Variants in TRDN observed in about 807,000 individuals in gnomAD.
The protein encoded by TRDN is triadin in skeletal muscle.
In TRDN, 161 loss-of-function variants were observed where a neutral mutation model predicts 149.7. That is an observed-to-expected ratio of 1.08 (90% CI 0.95 to 1.23). TRDN has a LOEUF of 1.23. Among genes scored for constraint, TRDN ranks in the 50% most tolerant of loss-of-function variants. The pLI is 0.00. For synonymous variants in TRDN, 294 were observed against 250.5 expected (o/e 1.17, Z -1.64); for missense variants, 896 against 823.5 (o/e 1.09, Z -1.08).
At chr6:123,407,453 C>T (rs576914592) in intron 12 of TRDN, among the ~76,000 whole-genome samples, 21 of 152,178 alleles carry the variant, frequency 1.4e-4, no homozygotes, top group African/African-American at 4.8e-4. Context: ...TTGTTTTCTC[C>T]CTCCTTGGGG....
chr6:123,337,979 C>T (rs1300407518), intron 21 of TRDN, among the ~76,000 whole-genome samples: 1 of 152,166 alleles, frequency 6.6e-6, no homozygotes, highest in Non-Finnish European at 1.5e-5. Context: ...TGTCTACTTA[C>T]TACGTGTCAG....
At chr6:123,280,825 A>G (rs1037250219) in intron 24 of TRDN, among the ~76,000 whole-genome samples, 1 of 152,004 alleles carries the variant, frequency 6.6e-6, no homozygotes, top group Non-Finnish European at 1.5e-5. Context: ...AACTTAAGTG[A>G]ATGCCTTCTT....
intron 24 of TRDN, among the ~76,000 whole-genome samples, chr6:123,312,688 G>T (rs183834102): frequency 1.3e-5 from 2 of 151,918 alleles, no homozygotes; most frequent in Non-Finnish European, 2.9e-5. Flanking sequence ...TGAATTTCTA[G>T]CTTAAATATA....
intron 2 of TRDN, among the ~76,000 whole-genome samples, chr6:123,570,588 T>C (rs1204490063): frequency 3.3e-5 from 5 of 152,174 alleles, no homozygotes; most frequent in African/African-American, 1.2e-4. Context: ...TACAAATTAT[T>C]CCTTATTAAT....
At chr6:123,496,438 A>C (rs1200919090) in intron 9 of TRDN, among the ~76,000 whole-genome samples, 6 of 152,196 alleles carry the variant, frequency 3.9e-5, no homozygotes, top group Admixed American at 3.9e-4. Context: ...AATTAGCTTC[A>C]TTTATTCTAA....
At chr6:123,245,553 T>C (rs1282364986) in intron 38 of TRDN, among the ~76,000 whole-genome samples, 2 of 151,998 alleles carry the variant, frequency 1.3e-5, no homozygotes, top group Non-Finnish European at 2.9e-5. Context: ...ATTTTAAATA[T>C]ATGATGCACC....
At chr6:123,291,864 C>CT (rs1778024021) in intron 24 of TRDN, among the ~76,000 whole-genome samples, 1 of 152,126 alleles carries the variant, frequency 6.6e-6, no homozygotes, top group Non-Finnish European at 1.5e-5. Context: ...TCTCCTTCAG[C>CT]TTTTTTGTCA....
chr6:123,559,562 G>A (rs924129954), intron 2 of TRDN, among the ~76,000 whole-genome samples: 4 of 152,106 alleles, frequency 2.6e-5, no homozygotes, highest in Non-Finnish European at 5.9e-5. Context: ...AACCGATCAT[G>A]CACCCCTTAC....
chr6:123,268,661 A>G (rs1423184085), intron 31 of TRDN, among the ~76,000 whole-genome samples: 1 of 151,988 alleles, frequency 6.6e-6, no homozygotes, highest in Non-Finnish European at 1.5e-5. Context: ...TTATGCACCA[A>G]CACTGAAGTA....
intron 10 of TRDN, among the ~76,000 whole-genome samples, chr6:123,448,699 A>G (rs796326132): frequency 1.8e-4 from 27 of 152,150 alleles, no homozygotes; most frequent in African/African-American, 6.5e-4. Context: ...GTCCCTCTCC[A>G]TACTACTGCA....
chr6:123,607,536 G>A (rs569360714), intron 1 of TRDN, among the ~76,000 whole-genome samples: 23 of 152,098 alleles, frequency 1.5e-4, no homozygotes, highest in Non-Finnish European at 1.9e-4. Context: ...TCAAACAAGC[G>A]TTTGGATAAA....
At chr6:123,543,377 T>A (rs1780946717) in intron 4 of TRDN, among the ~76,000 whole-genome samples, 1 of 152,126 alleles carries the variant, frequency 6.6e-6, no homozygotes, top group South Asian at 2.1e-4. Flanking sequence ...TAGAAAACAC[T>A]TGAAAAAGAT....
At position 123,471,616 on chromosome 6, in the gene TRDN, C is replaced by T. The variant is rs185257094; in HGVS notation, c.854-6633G>A. 13 of 152,290 alleles carry T rather than the reference C, an allele frequency of 8.5e-5. No homozygotes were observed. In the East Asian group the frequency reaches 1.5e-3, roughly 18 times the overall value. 9.4% of individuals were successfully genotyped at this position (152,290 alleles called of 1,614,324 possible). A position where few individuals can be genotyped will look rare whatever the true frequency, so the allele number is the denominator to read the frequency against. Reference sequence around the variant, plus strand: ...CCAGGCCAAAATGTTTCCACTGGAACGGTTTCTTTGCTTCCTGATTAAAAG... The same window carrying T: ...CCAGGCCAAAATGTTTCCACTGGAATGGTTTCTTTGCTTCCTGATTAAAAG... On this transcript the variant is annotated intron_variant, in intron 9 of 40. Transcript: ENST00000334268.
At chr6:123,612,773 G>A (rs775892508) in intron 1 of TRDN, among the ~76,000 whole-genome samples, 17 of 152,262 alleles carry the variant, frequency 1.1e-4, no homozygotes, top group Admixed American at 2.0e-4. Context: ...GTACCAGTGC[G>A]TGGAAATATT....
intron 10 of TRDN, among the ~76,000 whole-genome samples, chr6:123,452,287 G>A (rs529416844): frequency 4.6e-5 from 7 of 152,144 alleles, no homozygotes; most frequent in East Asian, 1.9e-4. Flanking sequence ...CATTCAGATC[G>A]GGAAAGAGGA....
chr6:123,500,153 A>G (rs910969348), intron 8 of TRDN, among the ~76,000 whole-genome samples: 3 of 152,156 alleles, frequency 2.0e-5, no homozygotes, highest in Non-Finnish European at 4.4e-5. Context: ...TTTTTAACTT[A>G]GAAAATTATT....
rs544351394 is a variant in TRDN at position 123,474,788 on chromosome 6, A to G, written c.854-9805T>C. Among the ~76,000 whole-genome samples the G allele has an allele frequency of 4.3e-3, 655 of 152,166 alleles. 3 individuals are homozygous for G. Among genetic ancestry groups the G allele is most frequent in the African/African-American group, 0.015 (612 of 41,480 alleles). ...TAAGAATCTCACTCAAAACCGCTCA[A>G]CTACATGGAAACTGAACAACCTGCT... On this transcript the variant is annotated intron_variant, in intron 9 of 40. Coordinates refer to ENST00000334268, the MANE Select transcript of TRDN (RefSeq NM_006073.4).
chr6:123,360,896 T>C, intron 20 of TRDN, among the ~76,000 whole-genome samples: 1 of 152,046 alleles, frequency 6.6e-6, no homozygotes, highest in East Asian at 1.9e-4. Context: ...CTGGAGAAAC[T>C]GGTCCTGAAG....
intron 24 of TRDN, among the ~76,000 whole-genome samples, chr6:123,301,684 T>C (rs1778399894): frequency 6.7e-6 from 1 of 148,470 alleles, no homozygotes; most frequent in African/African-American, 2.5e-5. Flanking sequence ...TTTCTCAATT[T>C]ATTGTACGTT....
Sources: allele counts gnomAD v4.1 joint callset (sites outside exome capture counted in the v4.1 genomes callset), GRCh38; gene constraint gnomAD v4.1.1; transcripts MANE v1.5; gene names NCBI Gene and HGNC (gene_info 2026-07-23, HGNC 2026-07-21).